The following EIF4G3 variants were observed in gnomAD, a reference collection of about 807,000 sequenced individuals.
EIF4G3 encodes the protein eukaryotic translation initiation factor 4 gamma 3.
A neutral mutation model predicts 186.4 loss-of-function variants in EIF4G3; 34 were observed. The ratio of observed to expected loss-of-function variants is 0.18; its 90% CI spans 0.14 to 0.24. The LOEUF is 0.24. Among genes scored for constraint, EIF4G3 ranks in the 10% least tolerant of loss-of-function variants. The pLI, the probability that EIF4G3 is intolerant of heterozygous loss-of-function variation, is 1.00. For synonymous variants in EIF4G3, 673 were observed against 679.5 expected (o/e 0.99, Z 0.15); for missense variants, 1,536 against 1,948.5 (o/e 0.79, Z 3.99).
At chr1:20,853,322 G>C (rs1033528614) in intron 27 of EIF4G3, among the ~76,000 whole-genome samples, 1 of 152,158 alleles carries the variant, frequency 6.6e-6, no homozygotes, top group Non-Finnish European at 1.5e-5. Context: ...CATGCCTCCA[G>C]GGCTGTTTGG....
At chr1:21,106,144 A>C (rs1373821247) in intron 2 of EIF4G3, among the ~76,000 whole-genome samples, 2 of 151,930 alleles carry the variant, frequency 1.3e-5, no homozygotes, top group Admixed American at 6.6e-5. Flanking sequence ...TTTAAGCAGA[A>C]GCTACATCAC....
intron 4 of EIF4G3, among the ~76,000 whole-genome samples, chr1:21,005,338 G>T (rs929657737): frequency 2.0e-5 from 3 of 152,076 alleles, no homozygotes; most frequent in Non-Finnish European, 2.9e-5. Context: ...TTGATCTTAG[G>T]ATATATTTTG....
At chr1:20,958,920 T>C (rs1255096030) in intron 12 of EIF4G3, among the ~76,000 whole-genome samples, 1 of 151,922 alleles carries the variant, frequency 6.6e-6, no homozygotes, top group Non-Finnish European at 1.5e-5. Flanking sequence ...CAAATGGAAA[T>C]GCATCCCATA....
intron 20 of EIF4G3, among the ~76,000 whole-genome samples, chr1:20,870,267 C>T (rs935881099): frequency 6.6e-6 from 1 of 152,094 alleles, no homozygotes; most frequent in African/African-American, 2.4e-5. Flanking sequence ...TCATTCTCCT[C>T]ATGCTTTGCT....
At chr1:21,015,384 T>C (rs1220944741) in intron 4 of EIF4G3, among the ~76,000 whole-genome samples, 1 of 152,052 alleles carries the variant, frequency 6.6e-6, no homozygotes, top group Non-Finnish European at 1.5e-5. Flanking sequence ...ACTTCCCACA[T>C]TTGAAGACAT....
rs747050270 is a variant in EIF4G3 at position 20,810,701 on chromosome 1, C to T, written c.4744+37G>A. 1.9e-6 allele frequency: 3 copies of T among 1,602,150 alleles called. No individual in the cohort carries two copies. The South Asian group carries it at 3.3e-5, about 18-fold the overall frequency. The stretch of plus-strand genomic sequence containing the variant: ...AGTCCTGGCTTGGATAAATCTCACT[C>T]ATTGGTTAGATTAACTGTAACATGA... On this transcript the variant is annotated intron_variant, in intron 36 of 36. Transcript: ENST00000602326. The surrounding 1 kb of genome is among the most constrained non-coding windows in gnomAD (Gnocchi z 4.1).
At chr1:21,075,570 CAAAAAAAAAAAAAAAAAA>C (rs55649192) in intron 3 of EIF4G3, among the ~76,000 whole-genome samples, 13 of 51,556 alleles carry the variant, frequency 2.5e-4, no homozygotes, top group East Asian at 1.8e-3. Flanking sequence ...CTCCAACTCA[CAAAAAAAAAAAAAAAAAA>C]AAAAAAAAAA....
At chr1:21,043,651 T>TGA (rs1443621370) in intron 4 of EIF4G3, among the ~76,000 whole-genome samples, 1 of 152,034 alleles carries the variant, frequency 6.6e-6, no homozygotes, top group Non-Finnish European at 1.5e-5. Context: ...TAGCACTCTG[T>TGA]GAGGCCAAGG....
At chr1:20,888,661 T>C (rs1015653167) in intron 18 of EIF4G3, among the ~76,000 whole-genome samples, 2 of 152,158 alleles carry the variant, frequency 1.3e-5, no homozygotes, top group African/African-American at 2.4e-5. Flanking sequence ...TTCTCATATA[T>C]ACAATGCCAG....
chr1:20,942,428 T>C (rs1051709022), intron 13 of EIF4G3, 98 bp from the exon 14 acceptor site: 9 of 1,239,994 alleles, frequency 7.3e-6, no homozygotes, highest in Non-Finnish European at 9.9e-6. Flanking sequence ...AAATTACAGG[T>C]AACAGAACAG....
intron 14 of EIF4G3, chr1:20,941,271 T>A (rs777734283): frequency 1.3e-6 from 2 of 1,550,268 alleles, no homozygotes; most frequent in Non-Finnish European, 1.7e-6. Flanking sequence ...TGGAGGCATT[T>A]TGTATATTTG....
At chr1:21,024,186 G>A (rs1269458900) in intron 4 of EIF4G3, among the ~76,000 whole-genome samples, 17 of 148,894 alleles carry the variant, frequency 1.1e-4, no homozygotes, top group African/African-American at 2.5e-4. Context: ...TCAGCCCCCC[G>A]CCCGGCCAGC....
At chr1:20,975,927 G>A (rs1488744043) in intron 10 of EIF4G3, among the ~76,000 whole-genome samples, 1 of 151,612 alleles carries the variant, frequency 6.6e-6, no homozygotes, top group Non-Finnish European at 1.5e-5. Flanking sequence ...ACATCACAGT[G>A]GCACAGCTGA....
intron 2 of EIF4G3, among the ~76,000 whole-genome samples, chr1:21,169,140 A>G (rs2097911736): frequency 6.6e-6 from 1 of 151,934 alleles, no homozygotes; most frequent in Non-Finnish European, 1.5e-5. Context: ...CCTGGGAGGT[A>G]GAGTAAGACC....
chr1:20,949,593 T>C (rs1162134131), intron 13 of EIF4G3, among the ~76,000 whole-genome samples: 1 of 152,194 alleles, frequency 6.6e-6, no homozygotes, highest in Non-Finnish European at 1.5e-5. Context: ...AAGCCCAAAC[T>C]TGTAAGAAGA....
chr1:20,899,556 G>C (rs1252002846), intron 16 of EIF4G3, 141 bp downstream of exon 16: 2 of 1,025,624 alleles, frequency 2.0e-6, no homozygotes, highest in African/African-American at 3.2e-5. Flanking sequence ...CACTAACTTG[G>C]GCTTGCTGAT....
Position 20,853,621 on chromosome 1 carries a change from C to T in EIF4G3, c.3490G>A (p.Ala1164Thr). ...GTGGATGGCGTGGACCCTGAGGGTGCTGGAGGTTGCAGGGCAGAGAATCTG... is the reference window on the plus strand; with the variant it reads ...GTGGATGGCGTGGACCCTGAGGGTGTTGGAGGTTGCAGGGCAGAGAATCTG... ...LNRFSALQPPAPSGSTPSTPV... is the reference protein window; with the variant it reads ...LNRFSALQPPTPSGSTPSTPV... Residue 1164 changes from alanine to threonine, a missense_variant, in exon 27 of 37, where the codon GCA becomes ACA. Physicochemically the swap from Ala to Thr is moderately conservative, Grantham distance 58 (BLOSUM62 0). Transcript: ENST00000602326. 6.2e-7 allele frequency: 1 copy of T among 1,613,978 alleles called. No individual in the cohort carries two copies. Among genetic ancestry groups the T allele is most frequent in the Non-Finnish European group, 8.5e-7 (1 of 1,179,968 alleles).
chr1:21,102,764 T>C (rs1195149683), intron 2 of EIF4G3, among the ~76,000 whole-genome samples: 2 of 152,206 alleles, frequency 1.3e-5, no homozygotes, highest in Non-Finnish European at 2.9e-5. Flanking sequence ...GATATGCCAA[T>C]AGTCCAGTGA....
intron 4 of EIF4G3, among the ~76,000 whole-genome samples, chr1:21,013,234 G>A (rs12078306): frequency 0.036 from 5,432 of 151,546 alleles, 333 homozygotes; most frequent in African/African-American, 0.12. Flanking sequence ...AAGAATCTGC[G>A]GCAGCCAACT....
Sources: gnomAD v4.1 joint callset for allele counts (sites outside exome capture counted in the v4.1 genomes callset) on GRCh38, gnomAD v4.1.1 for gene constraint, Gnocchi (gnomAD v3.1) non-coding constraint, MANE v1.5 for transcripts, NCBI Gene and HGNC (gene_info 2026-07-23, HGNC 2026-07-21) for gene names.